The following ARRDC4 variants were observed in gnomAD, a reference collection of about 807,000 sequenced individuals.
ARRDC4 encodes the protein arrestin domain containing 4, also known as arrestin domain-containing protein 4.
Under a neutral mutation model 44.6 loss-of-function variants are expected in ARRDC4, and 40 were observed. That is an observed-to-expected ratio of 0.90 (90% CI 0.70 to 1.17). ARRDC4 has a LOEUF of 1.17. ARRDC4 is among the 50% of genes most tolerant of loss of function. ARRDC4 has a pLI of 0.00. For missense variants in ARRDC4, 550 were observed against 559.1 expected, an observed-to-expected ratio of 0.98 and a Z score of 0.16; for synonymous variants, 211 against 221.2, an observed-to-expected ratio of 0.95 and a Z score of 0.41.
rs903354773 is a variant in ARRDC4, at chr15:97,965,433, A to G, written c.308-167A>G. On this transcript the variant is annotated intron_variant, in intron 1 of 7. Transcript: ENST00000268042. The surrounding 1 kb of genome is among the most constrained non-coding windows in gnomAD (Gnocchi z 5.1). ...GTCTCTAAAACACATAGACACACGC[A>G]CACACACCCCCCTTCAAACTTAATT... Among the ~76,000 whole-genome samples the G allele has an allele frequency of 8.6e-5, 13 of 152,004 alleles. No homozygotes were observed. The highest frequency in any genetic ancestry group is 2.9e-4 in the African/African-American group (12 of 41,374).
At chr15:97,961,786 C>T (rs1436217710) in intron 1 of ARRDC4, among the ~76,000 whole-genome samples, 3 of 152,122 alleles carry the variant, frequency 2.0e-5, no homozygotes, top group Admixed American at 6.5e-5. Context: ...CCTCTTCCTC[C>T]CCATCCTCCT....
chr15:97,966,141 G>C lies in ARRDC4; in HGVS notation c.522+99G>C. On this transcript the variant is annotated intron_variant, in intron 3 of 7. Transcript: ENST00000268042. The surrounding 1 kb of genome is among the most constrained non-coding windows in gnomAD (Gnocchi z 4.7). ...TCTATATTTAGCCAGTTTACTGGTA[G>C]TCTGTCCTGTCACTTTCTGATGGCT... The C allele has an allele frequency of 7.5e-7, 1 of 1,338,756 alleles. No homozygotes were observed. The highest frequency in any genetic ancestry group is 1.0e-6 in the Non-Finnish European group (1 of 973,742). 82.9% of individuals were successfully genotyped at this position (1,338,756 alleles called of 1,614,324 possible). A position where few individuals can be genotyped will look rare whatever the true frequency, so the allele number is the denominator to read the frequency against.
chr15:97,971,368 G>A lies in ARRDC4; in HGVS notation c.*181G>A, dbSNP rs1899512061. On this transcript the variant is annotated 3_prime_UTR_variant, in exon 8 of 8. Transcript: ENST00000268042. ...GTGGGCCGGCAGGATTGCCGCACAA[G>A]TTTATATGATGGTCGTATATATATC... The A allele has an allele frequency of 1.3e-5, 8 of 615,142 alleles. No individual in the cohort carries two copies. The Admixed American group carries it at 2.0e-4, about 16-fold the overall frequency. The allele number at this position is 615,142 out of a possible 1,614,324, so 38.1% of individuals were successfully genotyped here. A position where few individuals can be genotyped will look rare whatever the true frequency, so the allele number is the denominator to read the frequency against.
chr15:97,970,698 C>T lies in ARRDC4; in HGVS notation c.1155C>T (p.Ala385=). Residue 385 remains alanine (A), a synonymous_variant, in exon 7 of 8, where the codon GCC becomes GCT. Transcript: ENST00000268042. The surrounding 1 kb of genome is among the most constrained non-coding windows in gnomAD (Gnocchi z 4.2). ...CEGEVCCPVF[A]CIQEFRFQPP... ...GAGAAGTGTGCTGTCCTGTGTTTGCCTGTATACAAGAATTCCGGTTTCAAC... is the reference window on the plus strand; with the variant it reads ...GAGAAGTGTGCTGTCCTGTGTTTGCTTGTATACAAGAATTCCGGTTTCAAC... 6.2e-7 allele frequency: 1 copy of T among 1,613,534 alleles called. No individual in the cohort carries two copies.
At position 97,971,123 on chromosome 15, in the gene ARRDC4, T is replaced by C; in HGVS notation, c.1201-8T>C. The stretch of plus-strand genomic sequence containing the variant: ...CAACACTAATCTCAGTCCGCTCTTT[T>C]TTTGCAGGTTGACCCACATCCTAGC... On this transcript the variant is annotated splice_region_variant and splice_polypyrimidine_tract_variant and intron_variant, in intron 7 of 7. Coordinates refer to ENST00000268042, the MANE Select transcript of ARRDC4 (RefSeq NM_183376.3). The C allele has an allele frequency of 6.2e-7, 1 of 1,613,114 alleles. No homozygotes were observed. The highest frequency in any genetic ancestry group is 1.1e-5 in the South Asian group (1 of 91,054).
Position 97,969,902 on chromosome 15 carries a change from G to A in ARRDC4, c.902G>A (p.Gly301Asp). The A allele has an allele frequency of 6.3e-7, 1 of 1,598,546 alleles. No individual in the cohort carries two copies. The highest frequency in any genetic ancestry group is 1.1e-5 in the South Asian group (1 of 90,116). Residue 301 changes from glycine (G) to aspartate (D), a missense_variant, in exon 6 of 8, where the codon GGT (glycine) becomes GAT (aspartate). Transcript: ENST00000268042. ...YSLAVYIHIPGAKKLMLELPL... is the reference protein window; with the variant it reads ...YSLAVYIHIPDAKKLMLELPL... ...TATTAGGTATACATTCACATTCCTG[G>A]TGCTAAAAAATTGATGCTCGAACTG...
At chr15:97,971,101 C>G (rs959308198) in intron 7 of ARRDC4, 30 bp from the exon 8 acceptor site, 2 of 1,608,864 alleles carry the variant, frequency 1.2e-6, no homozygotes, top group Non-Finnish European at 1.7e-6. Context: ...AATGCTACAA[C>G]ACTAATCTCA....
In ARRDC4 at chr15:97,968,030, C is replaced by T; in HGVS notation, c.539C>T (p.Thr180Ile). 1 of 1,593,478 alleles carries T rather than the reference C, an allele frequency of 6.3e-7. No homozygotes were observed. The stretch of plus-strand genomic sequence containing the variant: ...ATTTTCAAGACCCCTGTATTGAAAA[C>T]TCAAGAGAAAATGGTTGGCTGTTGG... ...TPALLTPVLKTQEKMVGCWFF... is the reference protein window; with the variant it reads ...TPALLTPVLKIQEKMVGCWFF... Residue 180 changes from threonine (T) to isoleucine (I), a missense_variant, in exon 4 of 8, where the codon ACT becomes ATT. By Grantham distance (89) the Thr-to-Ile change is moderately conservative. Coordinates refer to ENST00000268042, the MANE Select transcript of ARRDC4 (RefSeq NM_183376.3). This position sits in a 1 kb window ranked among gnomAD's most constrained non-coding sequence, Gnocchi z 5.4.
Position 97,965,667 on chromosome 15 carries a change from G to A in ARRDC4, c.374+1G>A, listed in dbSNP as rs1899405810. 2.5e-6 allele frequency: 4 copies of A among 1,612,462 alleles called. No individual in the cohort carries two copies. The highest frequency in any genetic ancestry group is 2.7e-5 in the African/African-American group (2 of 74,878). ...CATTTCGCTTTCAACTTCCATCTGAGTAAGTGAAACACTACAATTTTGTGG... is the reference window on the plus strand; with the variant it reads ...CATTTCGCTTTCAACTTCCATCTGAATAAGTGAAACACTACAATTTTGTGG... On this transcript the variant is annotated splice_donor_variant, in intron 2 of 7. Transcript: ENST00000268042. LOFTEE classifies it high-confidence loss of function. The surrounding 1 kb of genome is among the most constrained non-coding windows in gnomAD (Gnocchi z 5.1).
At position 97,973,754 on chromosome 15, in the gene ARRDC4, T is replaced by TA. The variant is rs1478019218; in HGVS notation, c.*2569dup. The stretch of plus-strand genomic sequence containing the variant: ...TTTTATTATTAAAAATGTAACAATT[T>TA]AACCCACAGGAAAAAAAATTACTTT... On this transcript the variant is annotated 3_prime_UTR_variant, in exon 8 of 8. Coordinates refer to ENST00000268042, the MANE Select transcript of ARRDC4 (RefSeq NM_183376.3). 6.6e-6 allele frequency: 1 copy of TA among 151,816 alleles called. No homozygotes were observed. Among genetic ancestry groups the TA allele is most frequent in the Non-Finnish European group, 1.5e-5 (1 of 67,682 alleles). 9.4% of individuals were successfully genotyped at this position (151,816 alleles called of 1,614,324 possible). A position where few individuals can be genotyped will look rare whatever the true frequency, so the allele number is the denominator to read the frequency against.
rs1158369320 is a variant in ARRDC4, at chr15:97,970,083, C to T, written c.1045+38C>T. 21 of 1,585,744 alleles carry T rather than the reference C, an allele frequency of 1.3e-5. No homozygotes were observed. Among genetic ancestry groups the T allele is most frequent in the Admixed American group, 6.8e-5 (4 of 58,546 alleles). On this transcript the variant is annotated intron_variant, in intron 6 of 7. Coordinates refer to ENST00000268042, the MANE Select transcript of ARRDC4 (RefSeq NM_183376.3). This position sits in a 1 kb window ranked among gnomAD's most constrained non-coding sequence, Gnocchi z 4.2. The stretch of plus-strand genomic sequence containing the variant: ...GGCGTTCTTTCATAACGAAGCTTTA[C>T]CTAGAAAATACCTAGGAACAGAATA...
In ARRDC4 at chr15:97,969,892, C is replaced by G; in HGVS notation, c.892C>G (p.His298Asp). The G allele has an allele frequency of 6.5e-7, 1 of 1,538,528 alleles. No individual in the cohort carries two copies. Among genetic ancestry groups the G allele is most frequent in the Admixed American group, 1.8e-5 (1 of 56,590 alleles). ...RVDYSLAVYI[H>D]IPGAKKLMLE... Reference sequence around the variant, plus strand: ...TTTTTTGGCTTATTAGGTATACATTCACATTCCTGGTGCTAAAAAATTGAT... The same window carrying G: ...TTTTTTGGCTTATTAGGTATACATTGACATTCCTGGTGCTAAAAAATTGAT... Residue 298 changes from histidine (H) to aspartate (D), a missense_variant, in exon 6 of 8, where the codon CAC (histidine) becomes GAC (aspartate). Transcript: ENST00000268042.
At chr15:97,963,035 C>T (rs1196422377) in intron 1 of ARRDC4, among the ~76,000 whole-genome samples, 1 of 152,134 alleles carries the variant, frequency 6.6e-6, no homozygotes, top group Non-Finnish European at 1.5e-5. Context: ...GAAAACAAGC[C>T]AGAATCAGAG....
intron 1 of ARRDC4, among the ~76,000 whole-genome samples, chr15:97,962,357 C>T (rs1188007858): frequency 6.6e-6 from 1 of 152,118 alleles, no homozygotes; most frequent in Non-Finnish European, 1.5e-5. Context: ...ATGCACTTTC[C>T]TCAGTATGGC....
intron 1 of ARRDC4, among the ~76,000 whole-genome samples, chr15:97,963,876 G>C (rs548713096): frequency 2.0e-5 from 3 of 152,302 alleles, no homozygotes; most frequent in African/African-American, 7.2e-5. Context: ...TAGGAGCACT[G>C]GGATTGCCTT....
rs189750736 is a variant in ARRDC4, at chr15:97,971,160, G to T, written c.1230G>T (p.Glu410Asp). The change falls in exon 8 of 8, where the codon GAG (glutamate) becomes GAT (aspartate). Residue 410 changes from glutamate to aspartate, a missense_variant. Glu to Asp is a conservative substitution (Grantham distance 45, BLOSUM62 2). Transcript: ENST00000268042. ...ACCCACATCCTAGCGACGTAGAAGAGAGCCAGCCTGTTTCCTTCATTCTCT... is the reference window on the plus strand; with the variant it reads ...ACCCACATCCTAGCGACGTAGAAGATAGCCAGCCTGTTTCCTTCATTCTCT... ...EVDPHPSDVE[E>D]SQPVSFIL 3.1e-6 allele frequency: 5 copies of T among 1,613,268 alleles called. No individual in the cohort carries two copies. The highest frequency in any genetic ancestry group is 3.3e-5 in the Admixed American group (2 of 59,976).
rs1247610714 is a variant in ARRDC4 at position 97,969,501 on chromosome 15, G to A, written c.882+122G>A. 1.9e-5 allele frequency: 21 copies of A among 1,103,846 alleles called. No homozygotes were observed. The South Asian group carries it at 2.8e-4, about 15-fold the overall frequency. 68.4% of individuals were successfully genotyped at this position (1,103,846 alleles called of 1,614,324 possible). On this transcript the variant is annotated intron_variant, in intron 5 of 7. Coordinates refer to ENST00000268042, the MANE Select transcript of ARRDC4 (RefSeq NM_183376.3). ...TTTATTTCAGCATTAACACCAATTG[G>A]GGACTGTATGAAGATTGGCCCTTGT...
At chr15:97,961,662 C>T (rs1307636824) in intron 1 of ARRDC4, among the ~76,000 whole-genome samples, 1 of 152,260 alleles carries the variant, frequency 6.6e-6, no homozygotes, top group African/African-American at 2.4e-5. Flanking sequence ...GGTAGGAGTT[C>T]AAAGGAAGTG....
In ARRDC4 at chr15:97,965,400, G is replaced by A. The variant is rs780339085; in HGVS notation, c.308-200G>A. ...AGCACTCTGGCCTGGGCAATAGAGC[G>A]AGACCCTGTCTCTAAAACACATAGA... On this transcript the variant is annotated intron_variant, in intron 1 of 7. Coordinates refer to ENST00000268042, the MANE Select transcript of ARRDC4 (RefSeq NM_183376.3). This position sits in a 1 kb window ranked among gnomAD's most constrained non-coding sequence, Gnocchi z 5.1. Among the ~76,000 whole-genome samples the A allele has an allele frequency of 5.3e-5, 8 of 151,924 alleles. No individual in the cohort carries two copies. Among genetic ancestry groups the A allele is most frequent in the Non-Finnish European group, 1.2e-4 (8 of 68,008 alleles).
Sources: allele counts gnomAD v4.1 joint callset (sites outside exome capture counted in the v4.1 genomes callset), GRCh38; gene constraint gnomAD v4.1.1; non-coding constraint Gnocchi (gnomAD v3.1); transcripts MANE v1.5; gene names NCBI Gene and HGNC (gene_info 2026-07-23, HGNC 2026-07-21).